Variants in COL25A1 observed in about 807,000 individuals in gnomAD.
COL25A1 encodes collagen alpha-1(XXV) chain.
Under a neutral mutation model 128.4 loss-of-function variants are expected in COL25A1, and 103 were observed. That is an observed-to-expected ratio of 0.80 (90% CI 0.68 to 0.94). The LOEUF is 0.94. Ranked by LOEUF, COL25A1 falls within the 40% of genes least tolerant of loss-of-function variation. COL25A1 has a pLI of 0.00. For missense variants in COL25A1, 745 were observed against 840.0 expected, an observed-to-expected ratio of 0.89 and a Z score of 1.40; for synonymous variants, 279 against 277.2, an observed-to-expected ratio of 1.01 and a Z score of -0.06.
intron 3 of COL25A1, among the ~76,000 whole-genome samples, chr4:109,263,168 A>G (rs1385303164): frequency 6.6e-6 from 1 of 152,112 alleles, no homozygotes; most frequent in African/African-American, 2.4e-5. Flanking sequence ...ACCTTTCAAA[A>G]TAAGAGCAAT....
At chr4:109,113,284 G>A (rs867108482) in intron 3 of COL25A1, among the ~76,000 whole-genome samples, 1 of 152,046 alleles carries the variant, frequency 6.6e-6, no homozygotes, top group African/African-American at 2.4e-5. Context: ...TGTCACCAAT[G>A]TGCAAACCAG....
At chr4:109,096,521 G>A (rs1765411830) in intron 3 of COL25A1, among the ~76,000 whole-genome samples, 1 of 152,172 alleles carries the variant, frequency 6.6e-6, no homozygotes. Flanking sequence ...CATAGCCTAG[G>A]TGTACAGTAG....
Position 108,907,618 on chromosome 4 carries a change from C to G in COL25A1, c.781-6446G>C, listed in dbSNP as rs146015942. ...GTCATTCTTAACAGAGGAAGAAACA[C>G]ATTCAGAGAGAGGAAGTAACTTTTC... On this transcript the variant is annotated intron_variant, in intron 13 of 37. Transcript: ENST00000399132. Among the ~76,000 whole-genome samples the G allele has an allele frequency of 3.7e-3, 558 of 152,320 alleles. 3 individuals carry two copies. The highest frequency in any genetic ancestry group is 6.2e-3 in the Non-Finnish European group (420 of 68,028).
At chr4:108,905,051 T>C (rs1743311510) in intron 13 of COL25A1, among the ~76,000 whole-genome samples, 1 of 152,202 alleles carries the variant, frequency 6.6e-6, no homozygotes, top group East Asian at 1.9e-4. Flanking sequence ...CTTACAAATA[T>C]TGAGTGCTCA....
intron 5 of COL25A1, among the ~76,000 whole-genome samples, chr4:109,025,414 T>C (rs765509145): frequency 1.6e-4 from 24 of 152,208 alleles, no homozygotes; most frequent in Non-Finnish European, 3.2e-4. Flanking sequence ...TCCAGATAAA[T>C]ACTGGAAGCC....
At chr4:108,900,890 T>A (rs1392628719) in intron 14 of COL25A1, among the ~76,000 whole-genome samples, 1 of 152,178 alleles carries the variant, frequency 6.6e-6, no homozygotes, top group Non-Finnish European at 1.5e-5. Context: ...AGAATAAAGA[T>A]GTTAGATGAT....
chr4:109,013,260 T>G (rs992243567), intron 5 of COL25A1, among the ~76,000 whole-genome samples: 1 of 145,106 alleles, frequency 6.9e-6, no homozygotes, highest in Non-Finnish European at 1.5e-5. Context: ...GCTAATCTAG[T>G]GGGGACTTGG....
chr4:108,974,276 C>T, intron 8 of COL25A1, 91 bp downstream of exon 8: 1 of 1,373,266 alleles, frequency 7.3e-7, no homozygotes, highest in African/African-American at 1.4e-5. Flanking sequence ...CCATGTGGCA[C>T]AAAGGCAGTT....
intron 5 of COL25A1, among the ~76,000 whole-genome samples, chr4:109,015,256 G>A (rs534438321): frequency 3.9e-5 from 6 of 152,292 alleles, no homozygotes; most frequent in East Asian, 1.9e-4. Context: ...ATTTTCATTC[G>A]TTACTGAGTA....
intron 3 of COL25A1, among the ~76,000 whole-genome samples, chr4:109,169,172 G>C (rs371650604): frequency 4.6e-5 from 7 of 152,140 alleles, no homozygotes; most frequent in African/African-American, 1.4e-4. Context: ...CATTCACTCA[G>C]TGTGTCCTGA....
At chr4:109,206,652 A>T (rs1777022784) in intron 3 of COL25A1, among the ~76,000 whole-genome samples, 1 of 152,168 alleles carries the variant, frequency 6.6e-6, no homozygotes, top group Non-Finnish European at 1.5e-5. Flanking sequence ...CAGTGCTCTA[A>T]AAGAATCCAG....
chr4:109,163,413 T>G (rs1772768983), intron 3 of COL25A1, among the ~76,000 whole-genome samples: 1 of 152,188 alleles, frequency 6.6e-6, no homozygotes, highest in African/African-American at 2.4e-5. Flanking sequence ...TGTGCAGAGT[T>G]TTTTGGCCTA....
At chr4:108,854,343 G>T (rs1417991245) in intron 24 of COL25A1, among the ~76,000 whole-genome samples, 2 of 152,076 alleles carry the variant, frequency 1.3e-5, no homozygotes, top group Non-Finnish European at 2.9e-5. Flanking sequence ...AAAAGCAGTG[G>T]CAACAAGAGC....
chr4:109,037,605 T>C (rs1759475984), intron 5 of COL25A1, among the ~76,000 whole-genome samples: 1 of 152,220 alleles, frequency 6.6e-6, no homozygotes, highest in Admixed American at 6.5e-5. Context: ...AGAGACTCTT[T>C]TGTAACTTTT....
intron 3 of COL25A1, among the ~76,000 whole-genome samples, chr4:109,089,006 CTT>C (rs1764665196): frequency 6.6e-6 from 1 of 152,168 alleles, no homozygotes; most frequent in African/African-American, 2.4e-5. Context: ...CTTGTTCACT[CTT>C]TACTAAAAAA....
chr4:109,025,678 G>C (rs150145357), intron 5 of COL25A1, among the ~76,000 whole-genome samples: 1 of 152,212 alleles, frequency 6.6e-6, no homozygotes, highest in African/African-American at 2.4e-5. Context: ...GGGAGGAGAG[G>C]CTCTGCAAGC....
chr4:108,846,456 C>A (rs1578524786), intron 27 of COL25A1, among the ~76,000 whole-genome samples: 1 of 152,202 alleles, frequency 6.6e-6, no homozygotes, highest in African/African-American at 2.4e-5. Flanking sequence ...GCATAAAAAA[C>A]ATGAACTTAG....
chr4:108,934,584 A>G (rs1354809420), intron 11 of COL25A1, among the ~76,000 whole-genome samples: 1 of 152,238 alleles, frequency 6.6e-6, no homozygotes, highest in Non-Finnish European at 1.5e-5. Flanking sequence ...GAGTTAAAAT[A>G]TACAGGTGCT....
At chr4:108,957,526 T>C (rs1750206017) in intron 8 of COL25A1, among the ~76,000 whole-genome samples, 2 of 152,168 alleles carry the variant, frequency 1.3e-5, no homozygotes, top group Non-Finnish European at 2.9e-5. Flanking sequence ...TGAAACTAAA[T>C]GTATAGGAAG....
Sources: allele counts gnomAD v4.1 joint callset (sites outside exome capture counted in the v4.1 genomes callset), GRCh38; gene constraint gnomAD v4.1.1; transcripts MANE v1.5; gene names NCBI Gene and HGNC (gene_info 2026-07-23, HGNC 2026-07-21).